The following TAFA5 variants were observed in gnomAD, a reference collection of about 807,000 sequenced individuals.
TAFA5 encodes the protein TAFA chemokine like family member 5, also known as chemokine-like protein TAFA-5.
A neutral mutation model predicts 15.3 loss-of-function variants in TAFA5; 6 were observed. That is an observed-to-expected ratio of 0.39 (90% CI 0.21 to 0.77). The LOEUF (loss-of-function observed/expected upper bound fraction) is 0.77. Ranked by LOEUF, TAFA5 falls within the 30% of genes least tolerant of loss-of-function variation. The pLI is 0.41. For synonymous variants in TAFA5, 103 were observed against 80.7 expected (o/e 1.28, Z -1.48); for missense variants, 161 against 193.1 (o/e 0.83, Z 0.98).
chr22:48,692,945 A>T (rs738692), intron 2 of TAFA5, among the ~76,000 whole-genome samples: 25 of 152,114 alleles, frequency 1.6e-4, no homozygotes, highest in African/African-American at 6.0e-4. Flanking sequence ...CAGGAAGGGC[A>T]TCGGCGGCGC....
chr22:48,556,968 C>T (rs1923062269), intron 1 of TAFA5, among the ~76,000 whole-genome samples: 1 of 152,222 alleles, frequency 6.6e-6, no homozygotes, highest in Admixed American at 6.5e-5. Flanking sequence ...GCAGATGGCA[C>T]TCATGAGAGT....
At chr22:48,674,736 C>T (rs1927915776) in intron 2 of TAFA5, among the ~76,000 whole-genome samples, 1 of 152,152 alleles carries the variant, frequency 6.6e-6, no homozygotes, top group African/African-American at 2.4e-5. Context: ...GCCACCTTAG[C>T]TTGCCCGTTG....
chr22:48,625,065 A>G (rs1925979844), intron 1 of TAFA5, among the ~76,000 whole-genome samples: 1 of 151,950 alleles, frequency 6.6e-6, no homozygotes, highest in Non-Finnish European at 1.5e-5. Flanking sequence ...TGGTGAGTCA[A>G]GATTGCTTCA....
chr22:48,608,123 G>A (rs561767458), intron 1 of TAFA5, among the ~76,000 whole-genome samples: 22 of 152,162 alleles, frequency 1.4e-4, no homozygotes, highest in African/African-American at 4.8e-4. Context: ...ACGGCCCCGG[G>A]CTGCCAGACC....
At chr22:48,716,420 A>G (rs1010668723) in intron 3 of TAFA5, among the ~76,000 whole-genome samples, 1 of 152,236 alleles carries the variant, frequency 6.6e-6, no homozygotes, top group Non-Finnish European at 1.5e-5. Flanking sequence ...ACACAGGAAC[A>G]GAAAACCGAA....
chr22:48,748,249 C>T (rs2147278979), intron 3 of TAFA5, among the ~76,000 whole-genome samples: 1 of 152,352 alleles, frequency 6.6e-6, no homozygotes, highest in South Asian at 2.1e-4. Flanking sequence ...CACTCTGGGG[C>T]CAATTCTGAG....
intron 1 of TAFA5, among the ~76,000 whole-genome samples, chr22:48,633,548 C>T (rs1046908708): frequency 2.0e-5 from 3 of 150,676 alleles, no homozygotes; most frequent in Non-Finnish European, 4.4e-5. Flanking sequence ...CCCTCTCTCT[C>T]TCTCTCTCTC....
chr22:48,717,845 C>A (rs1369757601), intron 3 of TAFA5, among the ~76,000 whole-genome samples: 1 of 152,208 alleles, frequency 6.6e-6, no homozygotes, highest in Non-Finnish European at 1.5e-5. Context: ...CACCCAGGTC[C>A]TCTGGGCCAG....
rs114744181 is a variant in TAFA5, at chr22:48,699,779, G to A, written c.263-7938G>A. ...ATAATCCAATTATTGCAGCGACTGC[G>A]AACAGAAGAAATGTTCATTGCATAT... On this transcript the variant is annotated intron_variant, in intron 2 of 3. Transcript: ENST00000402357. Among the ~76,000 whole-genome samples the A allele has an allele frequency of 5.8e-3, 878 of 152,302 alleles. 5 individuals are homozygous for A. Among genetic ancestry groups the A allele is most frequent in the African/African-American group, 0.02 (832 of 41,558 alleles).
intron 2 of TAFA5, among the ~76,000 whole-genome samples, chr22:48,659,001 C>G (rs986478161): frequency 1.3e-5 from 2 of 152,082 alleles, no homozygotes; most frequent in South Asian, 2.1e-4. Flanking sequence ...GGAGCAGGTG[C>G]GATTACCGGG....
At chr22:48,500,773 C>T (rs902251101) in intron 1 of TAFA5, among the ~76,000 whole-genome samples, 19 of 152,208 alleles carry the variant, frequency 1.2e-4, no homozygotes, top group Admixed American at 9.2e-4. Context: ...CTGCCGTCGC[C>T]GCCTCGGGTT....
At chr22:48,570,216 T>C (rs1289800136) in intron 1 of TAFA5, among the ~76,000 whole-genome samples, 1 of 152,244 alleles carries the variant, frequency 6.6e-6, no homozygotes, top group Non-Finnish European at 1.5e-5. Flanking sequence ...GGTATGATCA[T>C]GCCCGCTGAA....
intron 2 of TAFA5, among the ~76,000 whole-genome samples, chr22:48,663,506 A>G (rs1376421032): frequency 6.6e-6 from 1 of 152,218 alleles, no homozygotes. Context: ...CTCTGTCTCT[A>G]TCACCACCTG....
chr22:48,683,038 G>A (rs958155921), intron 2 of TAFA5, among the ~76,000 whole-genome samples: 1 of 152,094 alleles, frequency 6.6e-6, no homozygotes, highest in African/African-American at 2.4e-5. Context: ...TAGTGTTCAT[G>A]GAAACAGCTC....
intron 2 of TAFA5, among the ~76,000 whole-genome samples, chr22:48,678,047 C>T (rs957702103): frequency 5.3e-5 from 8 of 152,136 alleles, no homozygotes; most frequent in African/African-American, 1.9e-4. Flanking sequence ...TCCCCGCCCC[C>T]GTTGCTCTGT....
At position 48,719,287 on chromosome 22, in the gene TAFA5, G is replaced by T. The variant is rs184565528; in HGVS notation, c.390+11443G>T. ...AACCGCCCCTCGGGTGAGGTGGCAC[G>T]TCCCGTTCCCCTCGGAGCCCTCCAG... is the stretch of plus-strand genomic sequence containing the variant. On this transcript the variant is annotated intron_variant, in intron 3 of 3. Coordinates refer to ENST00000402357, the MANE Select transcript of TAFA5 (RefSeq NM_001082967.3). Among the ~76,000 whole-genome samples, 634 of 152,268 alleles carry T rather than the reference G, an allele frequency of 4.2e-3. 5 individuals carry two copies. Among genetic ancestry groups the T allele is most frequent in the African/African-American group, 0.015 (615 of 41,546 alleles).
intron 2 of TAFA5, among the ~76,000 whole-genome samples, chr22:48,661,909 G>A (rs1348300952): frequency 1.4e-5 from 2 of 140,762 alleles, no homozygotes; most frequent in South Asian, 4.7e-4. Flanking sequence ...GATGGTGACT[G>A]GGGGGCTCAT....
chr22:48,701,575 A>T (rs1928907676), intron 2 of TAFA5, among the ~76,000 whole-genome samples: 2 of 152,212 alleles, frequency 1.3e-5, no homozygotes, highest in Admixed American at 1.3e-4. Context: ...CCAAACAGCC[A>T]CACTGTTCTG....
intron 1 of TAFA5, among the ~76,000 whole-genome samples, chr22:48,589,417 A>G (rs1317232382): frequency 6.6e-6 from 1 of 151,892 alleles, no homozygotes; most frequent in African/African-American, 2.4e-5. Flanking sequence ...GAGGTCCCCA[A>G]AGACAGAGCC....
Sources: allele counts gnomAD v4.1 joint callset (sites outside exome capture counted in the v4.1 genomes callset), GRCh38; gene constraint gnomAD v4.1.1; transcripts MANE v1.5; gene names NCBI Gene and HGNC (gene_info 2026-07-23, HGNC 2026-07-21).